The following CEP250 variants were observed in gnomAD, a reference collection of about 807,000 sequenced individuals.
CEP250 encodes the protein centrosome-associated protein CEP250.
CEP250 carries 242 observed loss-of-function variants against 315.7 expected under a neutral mutation model. That is an observed-to-expected ratio of 0.77 (90% CI 0.69 to 0.85). The LOEUF is 0.85. Among genes scored for constraint, CEP250 ranks in the 40% least tolerant of loss-of-function variants. CEP250 has a pLI of 0.00. For missense variants in CEP250, 2,515 were observed against 2,886.4 expected (o/e 0.87, Z 2.95); for synonymous variants, 1,088 against 1,175.0 (o/e 0.93, Z 1.51).
At chr20:35,490,852 T>C (rs191480564) in intron 21 of CEP250, 48 bp downstream of exon 21, 23 of 1,594,042 alleles carry the variant, frequency 1.4e-5, no homozygotes, top group African/African-American at 1.3e-4. Context: ...AGCGATCTCC[T>C]TACCTTGACC....
At chr20:35,496,076 A>G (rs937272823) in intron 24 of CEP250, among the ~76,000 whole-genome samples, 2 of 152,088 alleles carry the variant, frequency 1.3e-5, no homozygotes, top group African/African-American at 4.8e-5. Flanking sequence ...ATAGTAGGAG[A>G]TGATTGGGTG....
Position 35,470,000 on chromosome 20 carries a change from T to TCCAGA in CEP250, c.948+14_948+15insCCAGA. 1 of 1,589,814 alleles carries TCCAGA rather than the reference T, an allele frequency of 6.3e-7. No homozygotes were observed. Among genetic ancestry groups the TCCAGA allele is most frequent in the Non-Finnish European group, 8.6e-7 (1 of 1,157,802 alleles). ...GTGGAGATCCTGGTACATGATCCTT[T>TCCAGA]GCTCTGGAAAGGAGTTGGGCGTGGG... On this transcript the variant is annotated intron_variant, in intron 10 of 34. Coordinates refer to ENST00000397527, the MANE Select transcript of CEP250 (RefSeq NM_007186.6).
intron 5 of CEP250, among the ~76,000 whole-genome samples, chr20:35,464,807 A>G (rs909358177): frequency 7.9e-5 from 12 of 152,084 alleles, no homozygotes; most frequent in Non-Finnish European, 1.3e-4. Flanking sequence ...CTGTAATCCC[A>G]GCTACTCGGG....
chr20:35,510,418 G>A (rs1006600980), intron 34 of CEP250, among the ~76,000 whole-genome samples: 1 of 152,132 alleles, frequency 6.6e-6, no homozygotes, highest in Non-Finnish European at 1.5e-5. Flanking sequence ...GAGGAGCCAG[G>A]CACCAGCACA....
At chr20:35,463,312 A>T (rs1346520885) in intron 4 of CEP250, among the ~76,000 whole-genome samples, 1 of 152,256 alleles carries the variant, frequency 6.6e-6, no homozygotes, top group Non-Finnish European at 1.5e-5. Flanking sequence ...CTGAGTTAGA[A>T]GAATCACTTC....
At chr20:35,483,374 A>G (rs896598334) in intron 20 of CEP250, among the ~76,000 whole-genome samples, 4 of 151,278 alleles carry the variant, frequency 2.6e-5, no homozygotes, top group Non-Finnish European at 5.9e-5. Flanking sequence ...TTTTTTAGAG[A>G]CAGGGTCTTG....
intron 30 of CEP250, among the ~76,000 whole-genome samples, chr20:35,507,147 C>T (rs1179208031): frequency 6.6e-6 from 1 of 152,218 alleles, no homozygotes; most frequent in Non-Finnish European, 1.5e-5. Context: ...AACCCACATC[C>T]ACCTGCGTAC....
chr20:35,507,780 C>A lies in CEP250; in HGVS notation c.6679C>A (p.Leu2227Ile). The A allele has an allele frequency of 6.4e-7, 1 of 1,563,040 alleles. No homozygotes were observed. Among genetic ancestry groups the A allele is most frequent in the Non-Finnish European group, 8.7e-7 (1 of 1,153,412 alleles). The change falls in exon 31 of 35, where the codon CTA becomes ATA. Residue 2227 changes from leucine to isoleucine, a missense_variant. By Grantham distance (5) the Leu-to-Ile change is conservative. Transcript: ENST00000397527. The part of the protein sequence containing the change: ...LTRRALEKER[L>I]HSPGATSTAE... ...CAGACGGGCTCTGGAGAAGGAGCGG[C>A]TACACAGCCCAGGTGCAACCAGCAC...
At chr20:35,469,745 A>G in intron 9 of CEP250, 145 bp from the exon 10 acceptor site, 1 of 525,726 alleles carries the variant, frequency 1.9e-6, no homozygotes, top group Non-Finnish European at 3.4e-6. Flanking sequence ...CAGGGAGTGC[A>G]GACGGGCTGG....
rs1394926602 is a variant in CEP250, at chr20:35,502,621, G to C, written c.4252G>C (p.Ala1418Pro). Residue 1418 changes from alanine (A) to proline (P), a missense_variant, in exon 30 of 35, where the codon GCT becomes CCT. Physicochemically the swap from Ala to Pro is conservative, Grantham distance 27. Coordinates refer to ENST00000397527, the MANE Select transcript of CEP250 (RefSeq NM_007186.6). Reference protein sequence around the residue: ...QGELKVAQGKALQENLALLTQ... With the variant: ...QGELKVAQGKPLQENLALLTQ... ...CGAACTGAAGGTGGCCCAAGGGAAG[G>C]CTCTGCAAGAGAATTTGGCCCTCCT... is the stretch of plus-strand genomic sequence containing the variant. 1.2e-6 allele frequency: 2 copies of C among 1,614,262 alleles called. No homozygotes were observed. The highest frequency in any genetic ancestry group is 1.7e-5 in the Admixed American group (1 of 60,032).
At chr20:35,485,507 A>C (rs1012531860) in intron 20 of CEP250, among the ~76,000 whole-genome samples, 2 of 151,962 alleles carry the variant, frequency 1.3e-5, no homozygotes, top group Admixed American at 6.6e-5. Flanking sequence ...TGTTTTGTTT[A>C]GAGATAAGGT....
intron 15 of CEP250, 59 bp from the exon 16 acceptor site, chr20:35,476,390 T>C: frequency 1.3e-6 from 2 of 1,521,978 alleles, no homozygotes; most frequent in Non-Finnish European, 1.8e-6. Context: ...GAATGTGAAC[T>C]GTTTACTGTT....
intron 22 of CEP250, among the ~76,000 whole-genome samples, 197 bp from the exon 23 acceptor site, chr20:35,493,232 A>G (rs948339207): frequency 2.0e-5 from 3 of 151,864 alleles, no homozygotes; most frequent in African/African-American, 7.3e-5. Context: ...GACTATTACC[A>G]ATTCATGGAC....
chr20:35,473,465 G>C lies in CEP250; in HGVS notation c.1301G>C (p.Arg434Thr), dbSNP rs149028062. Residue 434 changes from arginine to threonine, a missense_variant, in exon 13 of 35, where the codon AGA (arginine) becomes ACA (threonine). Transcript: ENST00000397527. Reference protein sequence around the residue: ...DQWEEEGKALRQRLQKLTGER... With the variant: ...DQWEEEGKALTQRLQKLTGER... ...TGGGAGGAAGAGGGCAAAGCCTTGA[G>C]ACAGCGGCTGCAGAAGCTCACTGGG... The C allele has an allele frequency of 5.2e-5, 84 of 1,614,222 alleles. No individual in the cohort carries two copies. In the African/African-American group the frequency reaches 8.5e-4, roughly 16 times the overall value.
chr20:35,511,785 TG>T lies in CEP250; in HGVS notation c.*163del. 1.4e-6 allele frequency: 2 copies of T among 1,419,284 alleles called. No individual in the cohort carries two copies. The highest frequency in any genetic ancestry group is 1.8e-6 in the Non-Finnish European group (2 of 1,090,514). 87.9% of individuals were successfully genotyped at this position (1,419,284 alleles called of 1,614,324 possible). Reference sequence around the variant, plus strand: ...GGAAGAGGAAGTAAATCTGCAACCCTGGGGAGGACCCCAACTCACCTGGGAA... The same window carrying T: ...GGAAGAGGAAGTAAATCTGCAACCCTGGGAGGACCCCAACTCACCTGGGAA... On this transcript the variant is annotated 3_prime_UTR_variant, in exon 35 of 35. Coordinates refer to ENST00000397527, the MANE Select transcript of CEP250 (RefSeq NM_007186.6).
chr20:35,473,605 C>A, intron 13 of CEP250, 53 bp downstream of exon 13: 1 of 1,510,310 alleles, frequency 6.6e-7, no homozygotes, highest in South Asian at 1.3e-5. Context: ...CAGTCTCAGT[C>A]ACCATCCAGC....
intron 2 of CEP250, among the ~76,000 whole-genome samples, chr20:35,458,964 A>G (rs2062692193): frequency 1.1e-5 from 1 of 91,364 alleles, no homozygotes; most frequent in African/African-American, 4.7e-5. Context: ...TATAATGCAA[A>G]TCTTTTTTTT....
chr20:35,485,723 A>G (rs2063493085), intron 20 of CEP250, among the ~76,000 whole-genome samples: 1 of 132,890 alleles, frequency 7.5e-6, no homozygotes, highest in Non-Finnish European at 1.5e-5. Flanking sequence ...CAATGGTACA[A>G]TCATGGCTCA....
chr20:35,490,722 T>C lies in CEP250; in HGVS notation c.2672T>C (p.Leu891Pro), dbSNP rs544718528. 6.2e-7 allele frequency: 1 copy of C among 1,613,784 alleles called. No individual in the cohort carries two copies. The highest frequency in any genetic ancestry group is 1.3e-5 in the African/African-American group (1 of 74,940). ...EREKMELEMRLKEQQTEMEAI... is the reference protein window; with the variant it reads ...EREKMELEMRPKEQQTEMEAI... ...GAAAAAATGGAGCTGGAAATGAGGC[T>C]AAAGGAGCAGCAGACAGAAATGGAG... Residue 891 changes from leucine to proline, a missense_variant, in exon 21 of 35, where the codon CTA becomes CCA. Physicochemically the swap from Leu to Pro is moderately conservative, Grantham distance 98. Transcript: ENST00000397527.
Sources: gnomAD v4.1 joint callset for allele counts (sites outside exome capture counted in the v4.1 genomes callset) on GRCh38, gnomAD v4.1.1 for gene constraint, MANE v1.5 for transcripts, NCBI Gene and HGNC (gene_info 2026-07-23, HGNC 2026-07-21) for gene names.